VPS13B: variants seen among roughly 807,000 people sequenced by gnomAD.
VPS13B encodes the protein vacuolar protein sorting 13 homolog B.
Under a neutral mutation model 426.4 loss-of-function variants are expected in VPS13B, and 285 were observed. The ratio of observed to expected loss-of-function variants is 0.67; its 90% CI spans 0.61 to 0.74. VPS13B has a LOEUF of 0.74. VPS13B is among the 30% of genes least tolerant of loss of function. The pLI is 0.00. For missense variants in VPS13B, 4,537 were observed against 4,782.6 expected, an observed-to-expected ratio of 0.95 and a Z score of 1.51; for synonymous variants, 1,676 against 1,676.4, an observed-to-expected ratio of 1.00 and a Z score of 0.01.
chr8:99,588,410 G>C (rs1203672011), intron 33 of VPS13B, among the ~76,000 whole-genome samples: 2 of 151,742 alleles, frequency 1.3e-5, no homozygotes, highest in Non-Finnish European at 2.9e-5. Flanking sequence ...ACTTTGGACA[G>C]TATGGCCATT....
intron 6 of VPS13B, among the ~76,000 whole-genome samples, chr8:99,114,364 C>G (rs932332987): frequency 6.6e-6 from 1 of 152,162 alleles, no homozygotes; most frequent in Non-Finnish European, 1.5e-5. Flanking sequence ...AAAACACATT[C>G]ACTGGTCATT....
At chr8:99,750,555 G>A (rs1030970716) in intron 39 of VPS13B, among the ~76,000 whole-genome samples, 3 of 152,058 alleles carry the variant, frequency 2.0e-5, no homozygotes, top group African/African-American at 7.2e-5. Flanking sequence ...CCATAGTCTG[G>A]GCTTTACGTG....
At chr8:99,589,707 T>C (rs142453705) in intron 33 of VPS13B, among the ~76,000 whole-genome samples, 3 of 151,968 alleles carry the variant, frequency 2.0e-5, no homozygotes, top group Admixed American at 2.0e-4. Flanking sequence ...TTATAATCCT[T>C]TGGGTATATA....
intron 19 of VPS13B, among the ~76,000 whole-genome samples, chr8:99,372,843 T>A (rs1196182041): frequency 6.6e-6 from 1 of 152,210 alleles, no homozygotes; most frequent in Non-Finnish European, 1.5e-5. Context: ...TGAATCATTC[T>A]ACTATAAAGA....
At chr8:99,592,873 G>C (rs1826763512) in intron 33 of VPS13B, among the ~76,000 whole-genome samples, 1 of 152,058 alleles carries the variant, frequency 6.6e-6, no homozygotes. Flanking sequence ...GCAGAAAATT[G>C]AAACTGTACC....
intron 19 of VPS13B, among the ~76,000 whole-genome samples, chr8:99,278,262 A>G (rs1818996288): frequency 6.6e-6 from 1 of 152,148 alleles, no homozygotes; most frequent in South Asian, 2.1e-4. Context: ...ATGTTACGTA[A>G]AAGTCAATTA....
chr8:99,393,841 T>A (rs796540303), intron 21 of VPS13B, among the ~76,000 whole-genome samples: 5 of 152,294 alleles, frequency 3.3e-5, no homozygotes, highest in African/African-American at 1.2e-4. Flanking sequence ...CCTAGAATTA[T>A]GTTTTAACAC....
intron 19 of VPS13B, among the ~76,000 whole-genome samples, chr8:99,310,430 A>G (rs1435089782): frequency 6.6e-6 from 1 of 152,202 alleles, no homozygotes; most frequent in Non-Finnish European, 1.5e-5. Context: ...CCTTTTCTGC[A>G]TCTATTGAGA....
At chr8:99,713,116 A>G (rs1404445885) in intron 36 of VPS13B, among the ~76,000 whole-genome samples, 1 of 152,224 alleles carries the variant, frequency 6.6e-6, no homozygotes, top group Non-Finnish European at 1.5e-5. Context: ...AGAGATACCT[A>G]ACATGATCCA....
At chr8:99,342,500 T>C (rs1223160948) in intron 19 of VPS13B, among the ~76,000 whole-genome samples, 3 of 151,846 alleles carry the variant, frequency 2.0e-5, no homozygotes, top group South Asian at 2.1e-4. Context: ...ATGGTGTATC[T>C]TTCTGTGCCT....
intron 15 of VPS13B, among the ~76,000 whole-genome samples, chr8:99,167,887 CA>C (rs548733057): frequency 2.6e-5 from 4 of 151,974 alleles, no homozygotes; most frequent in Non-Finnish European, 4.4e-5. Flanking sequence ...CAACATTTAC[CA>C]AACCAGTTTT....
intron 51 of VPS13B, among the ~76,000 whole-genome samples, chr8:99,826,684 C>G (rs965533404): frequency 6.6e-6 from 1 of 152,180 alleles, no homozygotes; most frequent in African/African-American, 2.4e-5. Flanking sequence ...TTTGCCCATT[C>G]AGTATGATAT....
chr8:99,875,874 GC>G lies in VPS13B; in HGVS notation c.*210del. On this transcript the variant is annotated 3_prime_UTR_variant, in exon 62 of 62. Transcript: ENST00000357162. The stretch of plus-strand genomic sequence containing the variant: ...ATAAAGGGCTGCATTTTTTTAAAAA[GC>G]CTAGGCAGCTCTAACATCATCTGAT... 1 of 615,778 alleles carries G rather than the reference GC, an allele frequency of 1.6e-6. No homozygotes were observed. Among genetic ancestry groups the G allele is most frequent in the Non-Finnish European group, 2.8e-6 (1 of 354,942 alleles). The allele number at this position is 615,778 out of a possible 1,614,324, so 38.1% of individuals were successfully genotyped here. A position where few individuals can be genotyped will look rare whatever the true frequency, so the allele number is the denominator to read the frequency against.
At position 99,511,292 on chromosome 8, in the gene VPS13B, A is replaced by G. The variant is rs1563769041; in HGVS notation, c.4413A>G (p.Ala1471=). 6.2e-7 allele frequency: 1 copy of G among 1,613,974 alleles called. No homozygotes were observed. Among genetic ancestry groups the G allele is most frequent in the Non-Finnish European group, 8.5e-7 (1 of 1,179,984 alleles). Residue 1471 remains alanine (A), a synonymous_variant, in exon 29 of 62, where the codon GCA becomes GCG. Coordinates refer to ENST00000357162, the MANE Select transcript of VPS13B (RefSeq NM_152564.5). ...TTCTTCATGAAATTCTTCTTTCAGC[A>G]CAAGCTTTTGATATTGTTCTTTATT... ...PHFLHEILLS[A]QAFDIVLYFP...
At chr8:99,788,383 TAAAAAAAAA>T (rs5893498) in intron 43 of VPS13B, among the ~76,000 whole-genome samples, 2 of 102,924 alleles carry the variant, frequency 1.9e-5, no homozygotes, top group Non-Finnish European at 4.0e-5. Flanking sequence ...GACCCCATCT[TAAAAAAAAA>T]AAAAAAAAAA....
intron 30 of VPS13B, among the ~76,000 whole-genome samples, chr8:99,527,254 T>C (rs1822699836): frequency 6.6e-6 from 1 of 152,134 alleles, no homozygotes; most frequent in East Asian, 1.9e-4. Context: ...AAATGTAAAA[T>C]AATAAAACAC....
intron 13 of VPS13B, among the ~76,000 whole-genome samples, chr8:99,145,786 G>A (rs188892270): frequency 2.6e-5 from 4 of 152,198 alleles, no homozygotes; most frequent in Admixed American, 2.6e-4. Context: ...GAACAGTTGT[G>A]TACTGGTTTT....
chr8:99,707,450 T>G (rs1027232348), intron 36 of VPS13B, among the ~76,000 whole-genome samples: 1 of 152,192 alleles, frequency 6.6e-6, no homozygotes, highest in African/African-American at 2.4e-5. Context: ...GGTCATAGAT[T>G]ACTAAATGTC....
chr8:99,400,215 A>G (rs752210973), intron 21 of VPS13B, among the ~76,000 whole-genome samples: 2 of 151,954 alleles, frequency 1.3e-5, no homozygotes, highest in Non-Finnish European at 2.9e-5. Context: ...GCACTACCTC[A>G]CTCCCGTCCC....
Sources: gnomAD v4.1 joint callset for allele counts (sites outside exome capture counted in the v4.1 genomes callset) on GRCh38, gnomAD v4.1.1 for gene constraint, MANE v1.5 for transcripts, NCBI Gene and HGNC (gene_info 2026-07-23, HGNC 2026-07-21) for gene names.